EIF4G2: variants seen among roughly 807,000 people sequenced by gnomAD.
EIF4G2 encodes the protein DAP-5.
A neutral mutation model predicts 117.7 loss-of-function variants in EIF4G2; 8 were observed. The observed-to-expected ratio is 0.07, with a 90% CI of 0.04 to 0.12. The LOEUF (loss-of-function observed/expected upper bound fraction) is 0.12, where lower values mean the gene tolerates loss of function less well. EIF4G2 is among the 10% of genes least tolerant of loss of function. The pLI is 1.00. For missense variants in EIF4G2, 812 were observed against 1,086.2 expected, an observed-to-expected ratio of 0.75 and a Z score of 3.55; for synonymous variants, 413 against 367.8, an observed-to-expected ratio of 1.12 and a Z score of -1.41.
Position 10,801,081 on chromosome 11 carries a change from G to A in EIF4G2, c.1420C>T (p.Leu474=). The change falls in exon 15 of 22, where the codon CTG becomes TTG. Residue 474 remains leucine, a synonymous_variant. Transcript: ENST00000339995. Reference sequence around the variant, plus strand: ...ATTAGGAACGACTGAGCAGGCCTCAGGCTAATCTGGAATTGAAAACAAAAT... The same window carrying A: ...ATTAGGAACGACTGAGCAGGCCTCAAGCTAATCTGGAATTGAAAACAAAAT... 1 of 1,613,592 alleles carries A rather than the reference G, an allele frequency of 6.2e-7. No homozygotes were observed.
chr11:10,799,887 G>GCAAATGAAAAAAACTCAACATACGGAT (rs1239005754), intron 18 of EIF4G2, 131 bp from the exon 19 acceptor site: 13 of 1,237,826 alleles, frequency 1.1e-5, no homozygotes, highest in Non-Finnish European at 1.4e-5. Flanking sequence ...AACCAACCCA[G>GCAAATGAAAAAAACTCAACATACGGAT]CAAATGAAAA....
At position 10,797,576 on chromosome 11, in the gene EIF4G2, G is replaced by T; in HGVS notation, c.*240C>A. The T allele has an allele frequency of 2.1e-6, 1 of 474,364 alleles. No homozygotes were observed. The highest frequency in any genetic ancestry group is 3.8e-6 in the Non-Finnish European group (1 of 266,096). The allele number at this position is 474,364 out of a possible 1,614,324, so 29.4% of individuals were successfully genotyped here. On this transcript the variant is annotated 3_prime_UTR_variant, in exon 22 of 22. Transcript: ENST00000339995. The surrounding 1 kb of genome is among the most constrained non-coding windows in gnomAD (Gnocchi z 4.5). ...CTTGAGAACTTATGATGTAATTATT[G>T]CATGCTGCTAATATACTATCTAAAC...
chr11:10,803,298 A>G lies in EIF4G2; in HGVS notation c.814-4T>C, dbSNP rs2135414758. 4 of 1,612,496 alleles carry G rather than the reference A, an allele frequency of 2.5e-6. No individual in the cohort carries two copies. Among genetic ancestry groups the G allele is most frequent in the East Asian group, 2.2e-5 (1 of 44,876 alleles). On this transcript the variant is annotated splice_region_variant and splice_polypyrimidine_tract_variant and intron_variant, in intron 9 of 21. Transcript: ENST00000339995. This position sits in a 1 kb window ranked among gnomAD's most constrained non-coding sequence, Gnocchi z 4.0. ...CAAAGTACTGATCCATTAAGGACTG[A>G]TAAGAGAAGAATACATTCATTGGAA...
In EIF4G2 at chr11:10,800,519, A is replaced by G. The variant is rs1424713052; in HGVS notation, c.1773T>C (p.Asp591=). 3.1e-6 allele frequency: 5 copies of G among 1,614,004 alleles called. 1 individual carries two copies. The highest frequency in any genetic ancestry group is 1.6e-4 in the Middle Eastern group (1 of 6,084). Residue 591 remains aspartate, a synonymous_variant, in exon 17 of 22, where the codon GAT becomes GAC. Coordinates refer to ENST00000339995, the MANE Select transcript of EIF4G2 (RefSeq NM_001418.4). ...CTTTTTCTTTATCTTCATCGCTTCT[A>G]TCTAGTGACAGGATGATTACTTTGC...
Position 10,804,212 on chromosome 11 carries a change from GAA to G in EIF4G2, c.484-11_484-10del, listed in dbSNP as rs1564984027. ...AGGAGGCGTCTGAATGTCTGGAAAA[GAA>G]GACATTGTCATGCTTTATTAAGGAA... is the stretch of plus-strand genomic sequence containing the variant. On this transcript the variant is annotated splice_polypyrimidine_tract_variant and intron_variant, in intron 6 of 21. Transcript: ENST00000339995. 6.2e-7 allele frequency: 1 copy of G among 1,613,872 alleles called. No homozygotes were observed. The highest frequency in any genetic ancestry group is 1.7e-5 in the Admixed American group (1 of 59,898).
chr11:10,799,781 C>T (rs1015487447), intron 18 of EIF4G2, 25 bp from the exon 19 acceptor site: 1 of 1,601,716 alleles, frequency 6.2e-7, no homozygotes, highest in Non-Finnish European at 8.5e-7. Flanking sequence ...CCACCTGCAT[C>T]ATCTAATAGT....
Position 10,799,544 on chromosome 11 carries a change from C to T in EIF4G2, c.2324+8G>A, listed in dbSNP as rs745371525. 126 of 1,612,092 alleles carry T rather than the reference C, an allele frequency of 7.8e-5. No homozygotes were observed. Among genetic ancestry groups the T allele is most frequent in the African/African-American group, 9.4e-5 (7 of 74,752 alleles). ...ACATTACCATATGCAGAAAACCATT[C>T]GTCTTACCTAGTCATTAAGATGTTC... On this transcript the variant is annotated splice_region_variant and intron_variant, in intron 19 of 21. Coordinates refer to ENST00000339995, the MANE Select transcript of EIF4G2 (RefSeq NM_001418.4).
chr11:10,799,811 T>C (rs1219141791), intron 18 of EIF4G2, 55 bp from the exon 19 acceptor site: 2 of 1,566,770 alleles, frequency 1.3e-6, no homozygotes, highest in Non-Finnish European at 1.7e-6. Flanking sequence ...CAAGTTGTCC[T>C]GTCCAGAGAG....
intron 1 of EIF4G2, 54 bp downstream of exon 1, chr11:10,808,651 G>A: frequency 2.9e-6 from 1 of 341,140 alleles, no homozygotes. Flanking sequence ...AAGCGACCAG[G>A]GACGGCGGCC....
intron 18 of EIF4G2, 83 bp downstream of exon 18, chr11:10,800,003 TCTGA>T: frequency 6.9e-7 from 1 of 1,441,190 alleles, no homozygotes; most frequent in Admixed American, 1.9e-5. Context: ...AATCAGACTG[TCTGA>T]CCTACATAAA....
intron 14 of EIF4G2, 113 bp from the exon 15 acceptor site, chr11:10,801,200 T>G: frequency 6.9e-7 from 1 of 1,450,824 alleles, no homozygotes; most frequent in Non-Finnish European, 9.1e-7. Context: ...CATTAAGCTT[T>G]TTGAAAAACT....
intron 3 of EIF4G2, 94 bp downstream of exon 3, chr11:10,806,726 G>A (rs1590045469): frequency 1.2e-5 from 17 of 1,376,558 alleles, no homozygotes; most frequent in Middle Eastern, 3.6e-4. Flanking sequence ...AAGATTAGGA[G>A]TCTTGATGGC....
chr11:10,805,305 C>A lies in EIF4G2; in HGVS notation c.249-290G>T, dbSNP rs74648938. Among the ~76,000 whole-genome samples the A allele has an allele frequency of 7.4e-3, 1,132 of 152,246 alleles. 15 individuals are homozygous for A. The highest frequency in any genetic ancestry group is 0.026 in the African/African-American group (1,070 of 41,542). On this transcript the variant is annotated intron_variant, in intron 4 of 21. Transcript: ENST00000339995. ...ATCAAGGCTAGACCATGAACTAAGA[C>A]CATTATATTCCCTGCCTCACTGGCT...
chr11:10,800,351 T>C lies in EIF4G2; in HGVS notation c.1861-3A>G, dbSNP rs200245989. The C allele has an allele frequency of 3.8e-5, 62 of 1,613,344 alleles. No homozygotes were observed. The African/African-American group carries it at 7.6e-4, about 20-fold the overall frequency. ...TGGTCCAATACATTCAGGAAAGCCT[T>C]GAAAGAAATATACAACAGTTTATCA... On this transcript the variant is annotated splice_polypyrimidine_tract_variant and splice_region_variant and intron_variant, in intron 17 of 21. Transcript: ENST00000339995.
At chr11:10,799,813 T>A in intron 18 of EIF4G2, 57 bp from the exon 19 acceptor site, 1 of 1,561,608 alleles carries the variant, frequency 6.4e-7, no homozygotes, top group Non-Finnish European at 8.7e-7. Flanking sequence ...AGTTGTCCTG[T>A]CCAGAGAGCA....
Position 10,803,611 on chromosome 11 carries a change from G to T in EIF4G2, c.703-21C>A. On this transcript the variant is annotated intron_variant, in intron 8 of 21. Coordinates refer to ENST00000339995, the MANE Select transcript of EIF4G2 (RefSeq NM_001418.4). The surrounding 1 kb of genome is among the most constrained non-coding windows in gnomAD (Gnocchi z 4.0). ...AAAAGCTACAAGAATAAAAGGCCAT[G>T]GTGACAAAGTTTTAGTTACTCTGGT... 6.3e-7 allele frequency: 1 copy of T among 1,598,664 alleles called. No individual in the cohort carries two copies. Among genetic ancestry groups the T allele is most frequent in the Non-Finnish European group, 8.6e-7 (1 of 1,167,900 alleles).
chr11:10,800,034 G>A (rs938085863), intron 18 of EIF4G2, 56 bp downstream of exon 18: 31 of 1,567,042 alleles, frequency 2.0e-5, no homozygotes, highest in African/African-American at 2.7e-5. Context: ...CAAGGTACCT[G>A]AAATCTCTAG....
rs552501756 is a variant in EIF4G2 at position 10,797,408 on chromosome 11, T to A, written c.*408A>T. The A allele has an allele frequency of 6.1e-6, 1 of 163,750 alleles. No homozygotes were observed. Among genetic ancestry groups the A allele is most frequent in the Non-Finnish European group, 1.3e-5 (1 of 75,220 alleles). The allele number at this position is 163,750 out of a possible 1,614,324, so 10.1% of individuals were successfully genotyped here. ...TAAGAATTTTTCTGTAACAACCAAA[T>A]GGATAATCAAATATTGCAACAACTC... On this transcript the variant is annotated 3_prime_UTR_variant, in exon 22 of 22. Coordinates refer to ENST00000339995, the MANE Select transcript of EIF4G2 (RefSeq NM_001418.4). This position sits in a 1 kb window ranked among gnomAD's most constrained non-coding sequence, Gnocchi z 4.5.
At chr11:10,808,366 C>T in intron 1 of EIF4G2, 1 of 1,215,536 alleles carries the variant, frequency 8.2e-7, no homozygotes, top group Non-Finnish European at 1.0e-6. Context: ...CGCGTGCCTC[C>T]CGCCACGGCG....
Sources: gnomAD v4.1 joint callset for allele counts (sites outside exome capture counted in the v4.1 genomes callset) on GRCh38, gnomAD v4.1.1 for gene constraint, Gnocchi (gnomAD v3.1) non-coding constraint, MANE v1.5 for transcripts, NCBI Gene and HGNC (gene_info 2026-07-23, HGNC 2026-07-21) for gene names.